The following LARGE1 variants were observed in gnomAD, a reference collection of about 807,000 sequenced individuals.
The protein encoded by LARGE1 is LARGE xylosyl- and glucuronyltransferase 1, also known as xylosyl- and glucuronyltransferase LARGE1.
Under a neutral mutation model 87.6 loss-of-function variants are expected in LARGE1, and 43 were observed. The observed-to-expected ratio is 0.49, with a 90% CI of 0.38 to 0.63. The LOEUF is 0.63. Ranked by LOEUF, LARGE1 falls within the 30% of genes least tolerant of loss-of-function variation. LARGE1 has a pLI of 0.00. For synonymous variants in LARGE1, 434 were observed against 394.6 expected (o/e 1.10, Z -1.18); for missense variants, 802 against 1,000.2 (o/e 0.80, Z 2.67).
chr22:33,542,718 C>T (rs1299678430), intron 6 of LARGE1, among the ~76,000 whole-genome samples: 1 of 151,682 alleles, frequency 6.6e-6, no homozygotes, highest in African/African-American at 2.4e-5. Flanking sequence ...TGTGAATTTG[C>T]ATCAGATCCA....
At chr22:33,523,352 C>T (rs568810040) in intron 6 of LARGE1, among the ~76,000 whole-genome samples, 4 of 152,072 alleles carry the variant, frequency 2.6e-5, no homozygotes, top group South Asian at 4.2e-4. Flanking sequence ...TTTATTTTTG[C>T]GAGGCAGAAG....
intron 6 of LARGE1, among the ~76,000 whole-genome samples, chr22:33,500,016 T>C (rs8138875): frequency 0.3 from 46,280 of 152,066 alleles, 7,540 homozygotes; most frequent in African/African-American, 0.4. Context: ...TCAGGTGATC[T>C]GCCTGCCTCG....
At chr22:33,360,033 A>T (rs2064327357) in intron 9 of LARGE1, among the ~76,000 whole-genome samples, 1 of 149,632 alleles carries the variant, frequency 6.7e-6, no homozygotes, top group Non-Finnish European at 1.5e-5. Context: ...CCATTCTTAC[A>T]TTGCTATAAA....
intron 1 of LARGE1, among the ~76,000 whole-genome samples, chr22:33,763,029 C>T (rs987930129): frequency 6.6e-6 from 1 of 152,204 alleles, no homozygotes; most frequent in Non-Finnish European, 1.5e-5. Flanking sequence ...CTTGGGTAAC[C>T]CTTATACCGC....
the LARGE1 span, chr22:33,110,541 G>A: frequency 1.3e-5 from 2 of 152,246 alleles, no homozygotes; most frequent in African/African-American, 2.4e-5. Flanking sequence ...CTGGTGCAGC[G>A]GTGGGAATGG....
chr22:33,417,185 G>A (rs546707595), intron 7 of LARGE1, among the ~76,000 whole-genome samples: 14 of 152,250 alleles, frequency 9.2e-5, no homozygotes, highest in African/African-American at 3.1e-4. Context: ...GATTACAGGC[G>A]TGAGCCACCG....
At chr22:33,821,958 T>G (rs1438275963) in intron 1 of LARGE1, among the ~76,000 whole-genome samples, 2 of 151,446 alleles carry the variant, frequency 1.3e-5, no homozygotes, top group Non-Finnish European at 2.9e-5. Flanking sequence ...TTAGGTTTTT[T>G]TTTTTTTTTT....
intron 6 of LARGE1, among the ~76,000 whole-genome samples, chr22:33,546,710 A>G (rs188368844): frequency 6.6e-6 from 1 of 152,118 alleles, no homozygotes. Context: ...CAGCCTCCCA[A>G]GTAGCTGGGA....
chr22:33,794,659 C>T (rs1326357205), intron 1 of LARGE1, among the ~76,000 whole-genome samples: 3 of 151,990 alleles, frequency 2.0e-5, no homozygotes, highest in Non-Finnish European at 2.9e-5. Context: ...CTCGCTCTGT[C>T]GCCCAGGCTG....
chr22:33,263,536 A>T (rs998843597), intron 11 of LARGE1, among the ~76,000 whole-genome samples: 1 of 152,250 alleles, frequency 6.6e-6, no homozygotes, highest in Non-Finnish European at 1.5e-5. Flanking sequence ...TCAGTCCTGC[A>T]ACCCACAAGG....
intron 11 of LARGE1, among the ~76,000 whole-genome samples, chr22:33,188,299 A>G (rs1458760994): frequency 6.6e-6 from 1 of 152,156 alleles, no homozygotes; most frequent in East Asian, 1.9e-4. Context: ...AGGATGCATA[A>G]TTCACGAACC....
chr22:33,494,197 C>A (rs1283054738), intron 6 of LARGE1, among the ~76,000 whole-genome samples: 2 of 152,160 alleles, frequency 1.3e-5, no homozygotes, highest in Non-Finnish European at 2.9e-5. Flanking sequence ...AGCTCTGAAG[C>A]CAAAAAGCCC....
chr22:33,413,739 A>G (rs1043805550), intron 7 of LARGE1, among the ~76,000 whole-genome samples: 1 of 152,026 alleles, frequency 6.6e-6, no homozygotes, highest in Non-Finnish European at 1.5e-5. Context: ...TGCTGGGATT[A>G]CAGGTGTGAC....
chr22:33,428,943 CAAA>C (rs375368162), intron 7 of LARGE1, among the ~76,000 whole-genome samples: 5 of 76,974 alleles, frequency 6.5e-5, no homozygotes, highest in African/African-American at 1.1e-4. Flanking sequence ...AAAAAAGAAA[CAAA>C]AAAAAAAAAA....
intron 9 of LARGE1, among the ~76,000 whole-genome samples, chr22:33,378,800 C>A (rs1374076318): frequency 6.6e-6 from 1 of 152,198 alleles, no homozygotes; most frequent in Non-Finnish European, 1.5e-5. Flanking sequence ...CTTCAGATGC[C>A]AGTTGCAAAT....
intron 9 of LARGE1, among the ~76,000 whole-genome samples, chr22:33,364,606 A>AT (rs368025119): frequency 6.6e-6 from 1 of 152,224 alleles, no homozygotes; most frequent in African/African-American, 2.4e-5. Flanking sequence ...AGCATGTTTC[A>AT]TGCCACTTTA....
At chr22:33,209,930 T>C (rs371781399) in intron 11 of LARGE1, among the ~76,000 whole-genome samples, 12 of 152,366 alleles carry the variant, frequency 7.9e-5, no homozygotes, top group African/African-American at 2.6e-4. Flanking sequence ...ATTACAGGCA[T>C]GAGCCACCAC....
In LARGE1 at chr22:33,761,705, C is replaced by T. The variant is rs988063248; in HGVS notation, c.-82-147G>A. The T allele has an allele frequency of 6.8e-6, 4 of 585,430 alleles. No homozygotes were observed. The Admixed American group carries it at 8.9e-5, about 13-fold the overall frequency. The allele number at this position is 585,430 out of a possible 1,614,324, so 36.3% of individuals were successfully genotyped here. Reference sequence around the variant, plus strand: ...CTTTCATCCCAAGAGATGATGCTGCCGTCTCGCAGTCTTCAAAACTGAGAC... The same window carrying T: ...CTTTCATCCCAAGAGATGATGCTGCTGTCTCGCAGTCTTCAAAACTGAGAC... On this transcript the variant is annotated intron_variant, in intron 1 of 14. Coordinates refer to ENST00000397394, the MANE Select transcript of LARGE1 (RefSeq NM_133642.5).
intron 6 of LARGE1, among the ~76,000 whole-genome samples, chr22:33,522,114 C>T (rs2071633145): frequency 6.6e-6 from 1 of 152,200 alleles, no homozygotes; most frequent in African/African-American, 2.4e-5. Flanking sequence ...GACCCAAACA[C>T]CTCCCATCAG....
Sources: gnomAD v4.1 joint callset for allele counts (sites outside exome capture counted in the v4.1 genomes callset) on GRCh38, gnomAD v4.1.1 for gene constraint, MANE v1.5 for transcripts, NCBI Gene and HGNC (gene_info 2026-07-23, HGNC 2026-07-21) for gene names.